The following PWWP3A variants were observed in gnomAD, a reference collection of about 807,000 sequenced individuals.
The protein encoded by PWWP3A is PWWP domain containing 3A, DNA repair factor, also known as PWWP domain-containing DNA repair factor 3A.
Under a neutral mutation model 79.0 loss-of-function variants are expected in PWWP3A, and 53 were observed. That is an observed-to-expected ratio of 0.67 (90% CI 0.54 to 0.84). The LOEUF (loss-of-function observed/expected upper bound fraction) is 0.84. PWWP3A is among the 40% of genes least tolerant of loss of function. The pLI is 0.00. For missense variants in PWWP3A, 973 were observed against 948.0 expected (o/e 1.03, Z -0.35); for synonymous variants, 443 against 394.4 (o/e 1.12, Z -1.46).
chr19:1,371,506 C>T, intron 12 of PWWP3A: 1 of 650,738 alleles, frequency 1.5e-6, no homozygotes, highest in Non-Finnish European at 2.8e-6. Flanking sequence ...GCCTCATACT[C>T]TGATAAACCC....
Position 1,376,979 on chromosome 19 carries a change from G to A in PWWP3A, c.*403G>A, listed in dbSNP as rs1015842170. On this transcript the variant is annotated 3_prime_UTR_variant, in exon 14 of 14. Coordinates refer to ENST00000591337, the MANE Select transcript of PWWP3A (RefSeq NM_001369789.1). ...CGTCTGCCGTGATCATGGAGCTTCG[G>A]AAGCGGGAATGGTTCTTCCGGGTTT... The A allele has an allele frequency of 6.3e-6, 1 of 158,332 alleles. No individual in the cohort carries two copies. The highest frequency in any genetic ancestry group is 3.0e-3 in the Middle Eastern group (1 of 336). The allele number at this position is 158,332 out of a possible 1,614,324, so 9.8% of individuals were successfully genotyped here.
Position 1,360,924 on chromosome 19 carries a change from G to A in PWWP3A, c.1003G>A (p.Glu335Lys), listed in dbSNP as rs1291904406. ...PSPGPGPGPR[E>K]SVTPRSTARL... is the part of the protein sequence containing the mutation. ...CCCCGGGCCGGGGCCAGGGCCCAGA[G>A]AGTCTGTGACCCCGCGCAGCACCGC... The change falls in exon 5 of 14, where the codon GAG becomes AAG. Residue 335 changes from glutamate (E) to lysine (K), a missense_variant. Physicochemically the swap from Glu to Lys is moderately conservative, Grantham distance 56. Transcript: ENST00000591337. The surrounding 1 kb of genome is among the most constrained non-coding windows in gnomAD (Gnocchi z 4.4). 2.0e-6 allele frequency: 3 copies of A among 1,538,028 alleles called. No individual in the cohort carries two copies. In the Admixed American group the frequency reaches 6.2e-5, roughly 32 times the overall value.
At chr19:1,363,162 G>A (rs75035400) in intron 6 of PWWP3A, among the ~76,000 whole-genome samples, 12 of 152,356 alleles carry the variant, frequency 7.9e-5, no homozygotes, top group African/African-American at 2.9e-4. Context: ...TGCAGCCTCG[G>A]GAGCGCCATT....
At chr19:1,357,399 CTTTTTTT>C in intron 3 of PWWP3A, 1 of 127,140 alleles carries the variant, frequency 7.9e-6, no homozygotes, top group African/African-American at 3.0e-5. Context: ...GGGATATTTC[CTTTTTTT>C]TTTTTTTTTT....
intron 7 of PWWP3A, 65 bp downstream of exon 7, chr19:1,364,644 C>T: frequency 8.4e-7 from 1 of 1,192,786 alleles, no homozygotes; most frequent in Non-Finnish European, 1.2e-6. Context: ...TTTATTCCAT[C>T]CATCTTTAGT....
chr19:1,362,000 G>T, intron 5 of PWWP3A: 1 of 338,188 alleles, frequency 3.0e-6, no homozygotes, highest in Non-Finnish European at 5.5e-6. Flanking sequence ...TGCTGCTTAC[G>T]GCCCGCCTTC....
chr19:1,376,535 G>A lies in PWWP3A; in HGVS notation c.2092G>A (p.Asp698Asn). 1.2e-6 allele frequency: 2 copies of A among 1,613,364 alleles called. No homozygotes were observed. The highest frequency in any genetic ancestry group is 1.7e-6 in the Non-Finnish European group (2 of 1,179,788). Residue 698 changes from aspartate to asparagine, a missense_variant, in exon 14 of 14, where the codon GAC (aspartate) becomes AAC (asparagine). Asp to Asn is a conservative substitution (Grantham distance 23). Transcript: ENST00000591337. ...SLSYREKEIF[D>N]NQLLEERNRR... is the part of the protein sequence containing the mutation. ...TTTCTGAAGGGAAAAAGAAATATTT[G>A]ACAACCAGCTCCTTGAAGAGCGGAA... is the stretch of plus-strand genomic sequence containing the variant.
intron 7 of PWWP3A, among the ~76,000 whole-genome samples, chr19:1,365,579 T>C (rs1190063789): frequency 1.3e-5 from 2 of 152,256 alleles, no homozygotes; most frequent in Admixed American, 6.5e-5. Context: ...TCAACACGTT[T>C]ATGGCCTAGC....
In PWWP3A at chr19:1,371,035, ACGG is replaced by A; in HGVS notation, c.1946_1948del (p.Gly649del). Reference sequence around the variant, plus strand: ...GGGGCCAAGGTGCTCCAGCGCACCAACGGCGACCGGATCCGGTTCATTCTGGAC... The same window carrying A: ...GGGGCCAAGGTGCTCCAGCGCACCAACGACCGGATCCGGTTCATTCTGGAC... On this transcript the variant is annotated inframe_deletion, in exon 12 of 14. Coordinates refer to ENST00000591337, the MANE Select transcript of PWWP3A (RefSeq NM_001369789.1). The A allele has an allele frequency of 6.4e-7, 1 of 1,574,130 alleles. No individual in the cohort carries two copies. The highest frequency in any genetic ancestry group is 8.6e-7 in the Non-Finnish European group (1 of 1,159,582).
rs1048082607 is a variant in PWWP3A at position 1,360,111 on chromosome 19, C to T, written c.215-25C>T. ...GTGCCTGTGCAGTGAACGTAACCGG[C>T]ATTGTGTATGTTCGGTCCTTGCAGC... On this transcript the variant is annotated intron_variant, in intron 4 of 13. Transcript: ENST00000591337. The surrounding 1 kb of genome is among the most constrained non-coding windows in gnomAD (Gnocchi z 4.4). The T allele has an allele frequency of 6.6e-7, 1 of 1,521,432 alleles. No individual in the cohort carries two copies. The highest frequency in any genetic ancestry group is 2.2e-5 in the Admixed American group (1 of 45,480). 94.2% of individuals were successfully genotyped at this position (1,521,432 alleles called of 1,614,324 possible). A position where few individuals can be genotyped will look rare whatever the true frequency, so the allele number is the denominator to read the frequency against.
At chr19:1,376,315 T>TC (rs2082399102) in intron 13 of PWWP3A, among the ~76,000 whole-genome samples, 1 of 134,372 alleles carries the variant, frequency 7.4e-6, no homozygotes, top group Non-Finnish European at 1.6e-5. Context: ...TTGTTTGTTT[T>TC]TTTTTTTTTT....
chr19:1,375,900 C>A (rs2082380951), intron 13 of PWWP3A, among the ~76,000 whole-genome samples: 1 of 148,648 alleles, frequency 6.7e-6, no homozygotes, highest in Non-Finnish European at 1.5e-5. Flanking sequence ...CCCCACCGTG[C>A]CTTGGTTCAA....
chr19:1,377,473 C>T lies in PWWP3A; in HGVS notation c.*897C>T, dbSNP rs946945160. On this transcript the variant is annotated 3_prime_UTR_variant, in exon 14 of 14. Coordinates refer to ENST00000591337, the MANE Select transcript of PWWP3A (RefSeq NM_001369789.1). ...TGTCCTGTGCCCGCCATGGCAGAAG[C>T]GCAGCCTTTGTATGGAGGCCCAACC... is the stretch of plus-strand genomic sequence containing the variant. 1 of 152,484 alleles carries T rather than the reference C, an allele frequency of 6.6e-6. No homozygotes were observed. The highest frequency in any genetic ancestry group is 2.1e-4 in the South Asian group (1 of 4,830). 9.4% of individuals were successfully genotyped at this position (152,484 alleles called of 1,614,324 possible).
chr19:1,364,224 G>A (rs985521768), intron 6 of PWWP3A: 2 of 597,562 alleles, frequency 3.3e-6, no homozygotes, highest in Non-Finnish European at 6.4e-6. Flanking sequence ...GCCCCTCGTG[G>A]CACCCCTCCC....
At position 1,357,052 on chromosome 19, in the gene PWWP3A, AG is replaced by A. The variant is rs2081889104; in HGVS notation, c.103del (p.Glu35AsnfsTer4). ...ACTTCAACAAAAAATAAGAGAAGAA[AG>A]GAATATTTTCTAGCTGTGCAAATCC... Reference protein sequence around the residue: ...TATSTKNKRRKEYFLAVQILS... With the variant: ...TATSTKNKRRXEYFLAVQILS... On this transcript the variant is annotated frameshift_variant, in exon 3 of 14. Transcript: ENST00000591337. LOFTEE classifies it high-confidence loss of function. 2 of 1,613,384 alleles carry A rather than the reference AG, an allele frequency of 1.2e-6. No homozygotes were observed. The highest frequency in any genetic ancestry group is 1.3e-5 in the African/African-American group (1 of 74,922).
At position 1,366,369 on chromosome 19, in the gene PWWP3A, C is replaced by T. The variant is rs1479793786; in HGVS notation, c.1349C>T (p.Pro450Leu). The change falls in exon 8 of 14, where the codon CCG (proline) becomes CTG (leucine). Residue 450 changes from proline (P) to leucine (L), a missense_variant. Physicochemically the swap from Pro to Leu is moderately conservative, Grantham distance 98. Coordinates refer to ENST00000591337, the MANE Select transcript of PWWP3A (RefSeq NM_001369789.1). ...CTATACATCGAAGGACACATGAACC[C>T]GAAAATGAAAGGGTAACCCGCTGTT... ...SVLYIEGHMN[P>L]KMKGFTVSLK... is the part of the protein sequence containing the mutation. The T allele has an allele frequency of 1.9e-6, 3 of 1,614,004 alleles. No individual in the cohort carries two copies. The highest frequency in any genetic ancestry group is 1.3e-5 in the African/African-American group (1 of 74,926).
chr19:1,374,864 G>T (rs1600131385), intron 13 of PWWP3A, among the ~76,000 whole-genome samples: 2 of 151,998 alleles, frequency 1.3e-5, no homozygotes, highest in East Asian at 3.9e-4. Flanking sequence ...CCATCATTAT[G>T]CCACTGCACC....
intron 8 of PWWP3A, 99 bp downstream of exon 8, chr19:1,366,480 G>A (rs77393020): frequency 0.013 from 14,275 of 1,115,052 alleles, 226 homozygotes; most frequent in African/African-American, 0.073. Context: ...CAGAGGGGAG[G>A]CCCCGGCAGG....
intron 13 of PWWP3A, among the ~76,000 whole-genome samples, chr19:1,375,698 T>C (rs2082371109): frequency 9.2e-6 from 1 of 108,754 alleles, no homozygotes; most frequent in Non-Finnish European, 1.9e-5. Flanking sequence ...TATAAAACAA[T>C]TTAATATATA....
Sources: gnomAD v4.1 joint callset for allele counts (sites outside exome capture counted in the v4.1 genomes callset) on GRCh38, gnomAD v4.1.1 for gene constraint, Gnocchi (gnomAD v3.1) non-coding constraint, MANE v1.5 for transcripts, NCBI Gene and HGNC (gene_info 2026-07-23, HGNC 2026-07-21) for gene names.